Variants in RUNX1 observed in about 807,000 individuals in gnomAD.
The protein encoded by RUNX1 is runt-related transcription factor 1.
A neutral mutation model predicts 42.8 loss-of-function variants in RUNX1; 19 were observed. That is an observed-to-expected ratio of 0.44 (90% CI 0.31 to 0.65). The LOEUF is 0.65. Ranked by LOEUF, RUNX1 falls within the 30% of genes least tolerant of loss-of-function variation. The pLI, the probability that RUNX1 is intolerant of heterozygous loss-of-function variation, is 0.07. For synonymous variants in RUNX1, 271 were observed against 289.4 expected, an observed-to-expected ratio of 0.94 and a Z score of 0.64; for missense variants, 528 against 672.0, an observed-to-expected ratio of 0.79 and a Z score of 2.37.
intron 2 of RUNX1, 61 bp from the exon 3 acceptor site, chr21:34,893,024 G>GA: frequency 8.8e-7 from 1 of 1,142,822 alleles, no homozygotes; most frequent in Non-Finnish European, 1.3e-6. Context: ...ACTTTCCCCC[G>GA]ACTTTTTTTT....
At chr21:34,832,661 C>T (rs1221327515) in intron 7 of RUNX1, among the ~76,000 whole-genome samples, 3 of 152,164 alleles carry the variant, frequency 2.0e-5, no homozygotes, top group African/African-American at 4.8e-5. Flanking sequence ...GTTGTATCCT[C>T]TTTGGAAGCA....
chr21:35,046,052 C>T (rs1015870591), intron 2 of RUNX1, among the ~76,000 whole-genome samples: 3 of 152,150 alleles, frequency 2.0e-5, no homozygotes, highest in South Asian at 2.1e-4. Flanking sequence ...CTCTTTCTGC[C>T]GACACACTGC....
At chr21:34,923,535 A>G (rs548155318) in intron 2 of RUNX1, among the ~76,000 whole-genome samples, 2 of 152,284 alleles carry the variant, frequency 1.3e-5, no homozygotes, top group African/African-American at 4.8e-5. Flanking sequence ...AAAAAGTCCA[A>G]ACTCTAAAAA....
intron 2 of RUNX1, among the ~76,000 whole-genome samples, chr21:34,963,023 G>A (rs1462908362): frequency 6.6e-6 from 1 of 152,190 alleles, no homozygotes; most frequent in East Asian, 1.9e-4. Context: ...TAAAAGCTCC[G>A]AAGGCGGTTC....
chr21:35,007,022 C>A (rs1415902530), intron 2 of RUNX1, among the ~76,000 whole-genome samples: 2 of 152,148 alleles, frequency 1.3e-5, no homozygotes, highest in Non-Finnish European at 2.9e-5. Flanking sequence ...GTGCCACCAG[C>A]CCCATGTGGG....
chr21:34,835,294 C>T (rs184946178), intron 6 of RUNX1, among the ~76,000 whole-genome samples: 242 of 152,260 alleles, frequency 1.6e-3, no homozygotes, highest in South Asian at 4.6e-3. Flanking sequence ...AGGAAGGCCT[C>T]GCCTGTGTCT....
chr21:34,918,718 GC>G, intron 2 of RUNX1, among the ~76,000 whole-genome samples: 1 of 152,276 alleles, frequency 6.6e-6, no homozygotes, highest in East Asian at 1.9e-4. Flanking sequence ...GACCATCCTG[GC>G]CAACATGGGG....
In RUNX1 at chr21:35,000,713, T is replaced by C. The variant is rs115767071; in HGVS notation, c.58+48129A>G. On this transcript the variant is annotated intron_variant, in intron 2 of 8. Transcript: ENST00000675419. The stretch of plus-strand genomic sequence containing the variant: ...TTGTATAAGTAACATTAACTACTCT[T>C]AATACTGGGAAATTCTTTGTTATCT... Among the ~76,000 whole-genome samples the C allele has an allele frequency of 8.4e-3, 1,275 of 152,326 alleles. 14 individuals are homozygous for C. The highest frequency in any genetic ancestry group is 0.03 in the African/African-American group (1,227 of 41,570).
At position 34,887,039 on chromosome 21, in the gene RUNX1, A is replaced by T. The variant is rs200431130; in HGVS notation, c.155T>A (p.Met52Lys). 906 of 1,601,414 alleles carry T rather than the reference A, an allele frequency of 5.7e-4. 1 individual carries two copies. The highest frequency in any genetic ancestry group is 7.1e-4 in the Non-Finnish European group (840 of 1,179,678). The change falls in exon 4 of 9, where the codon ATG (methionine) becomes AAG (lysine). Residue 52 changes from methionine (M) to lysine (K), a missense_variant. This residue lies in a region of RUNX1 where 114 missense variants were observed against 115.0 expected (regional missense o/e 0.99). Coordinates refer to ENST00000675419, the MANE Select transcript of RUNX1 (RefSeq NM_001754.5). ...PPSTALSPGKMSEALPLGAPD... is the reference protein window; with the variant it reads ...PPSTALSPGKKSEALPLGAPD... ...GGCGCCCAGCGGCAACGCCTCGCTC[A>T]TCTTGCCTGGGCTCAGCGCGGTGGA... is the stretch of plus-strand genomic sequence containing the variant.
intron 6 of RUNX1, among the ~76,000 whole-genome samples, chr21:34,854,554 C>T (rs921928833): frequency 6.7e-6 from 1 of 148,564 alleles, no homozygotes; most frequent in Non-Finnish European, 1.5e-5. Context: ...CACTGCACTC[C>T]AGCATGGGCA....
At chr21:34,880,805 G>A (rs2146365696) in intron 4 of RUNX1, 92 bp from the exon 5 acceptor site, 22 of 1,276,728 alleles carry the variant, frequency 1.7e-5, no homozygotes, top group East Asian at 2.4e-5. Context: ...AAAATTAAAT[G>A]TATATTCAAT....
At chr21:34,917,040 T>G (rs2058316777) in intron 2 of RUNX1, among the ~76,000 whole-genome samples, 1 of 152,154 alleles carries the variant, frequency 6.6e-6, no homozygotes, top group Non-Finnish European at 1.5e-5. Flanking sequence ...TGTGACCCCA[T>G]GCTGTTCCGA....
At chr21:34,984,580 C>T (rs890212528) in intron 2 of RUNX1, among the ~76,000 whole-genome samples, 53 of 152,192 alleles carry the variant, frequency 3.5e-4, no homozygotes, top group African/African-American at 1.3e-3. Context: ...AAGTTGGTGG[C>T]TTGCAGAAAT....
At chr21:34,995,463 C>T (rs189270687) in intron 2 of RUNX1, among the ~76,000 whole-genome samples, 144 of 92,036 alleles carry the variant, frequency 1.6e-3, no homozygotes, top group African/African-American at 6.1e-3. Flanking sequence ...TTTTTTGAGA[C>T]AAGGTCTTGC....
chr21:34,973,629 G>C (rs921913618), intron 2 of RUNX1, among the ~76,000 whole-genome samples: 18 of 152,134 alleles, frequency 1.2e-4, no homozygotes, highest in African/African-American at 3.6e-4. Flanking sequence ...TAAATCCCAA[G>C]TACTAGTTTA....
chr21:34,842,191 T>G (rs1203669146), intron 6 of RUNX1, among the ~76,000 whole-genome samples: 1 of 152,176 alleles, frequency 6.6e-6, no homozygotes, highest in Non-Finnish European at 1.5e-5. Flanking sequence ...AGCAGTTTCA[T>G]GAGAATTGTC....
Position 34,790,797 on chromosome 21 carries a change from T to C in RUNX1, c.*1338A>G, listed in dbSNP as rs181186073. The C allele has an allele frequency of 4.5e-3, 1,050 of 233,256 alleles. 9 individuals are homozygous for C. Among genetic ancestry groups the C allele is most frequent in the African/African-American group, 0.022 (981 of 45,450 alleles). 14.4% of individuals were successfully genotyped at this position (233,256 alleles called of 1,614,324 possible). A position where few individuals can be genotyped will look rare whatever the true frequency, so the allele number is the denominator to read the frequency against. ...CTCGAGGCCTGCTTCTGGTGGGCCC[T>C]TAAATTGCTATAATCGTAACCCCTA... is the stretch of plus-strand genomic sequence containing the variant. On this transcript the variant is annotated 3_prime_UTR_variant, in exon 9 of 9. Transcript: ENST00000675419.
At chr21:34,994,294 C>A (rs1412932216) in intron 2 of RUNX1, among the ~76,000 whole-genome samples, 2 of 151,712 alleles carry the variant, frequency 1.3e-5, no homozygotes, top group Non-Finnish European at 2.9e-5. Flanking sequence ...AAATATTTAC[C>A]CATGGTGTAA....
At chr21:34,882,035 G>A (rs1378401157) in intron 4 of RUNX1, among the ~76,000 whole-genome samples, 1 of 152,056 alleles carries the variant, frequency 6.6e-6, no homozygotes, top group East Asian at 1.9e-4. Context: ...TTTTTGAATT[G>A]GTAACAGTAA....
Sources: gnomAD v4.1 joint callset for allele counts (sites outside exome capture counted in the v4.1 genomes callset) on GRCh38, gnomAD v4.1.1 for gene constraint, gnomAD v4.1.1 regional missense constraint, MANE v1.5 for transcripts, NCBI Gene and HGNC (gene_info 2026-07-23, HGNC 2026-07-21) for gene names.